ARMC2: variants seen among roughly 807,000 people sequenced by gnomAD.
The protein encoded by ARMC2 is armadillo repeat containing 2.
A neutral mutation model predicts 90.3 loss-of-function variants in ARMC2; 67 were observed. The ratio of observed to expected loss-of-function variants is 0.74; its 90% CI spans 0.61 to 0.91. The LOEUF is 0.91. Ranked by LOEUF, ARMC2 falls within the 40% of genes least tolerant of loss-of-function variation. ARMC2 has a pLI of 0.00. For missense variants in ARMC2, 920 were observed against 1,030.9 expected, an observed-to-expected ratio of 0.89 and a Z score of 1.47; for synonymous variants, 393 against 393.0, an observed-to-expected ratio of 1.00 and a Z score of 0.00.
At chr6:109,031,532 C>T in the ARMC2 span, among the ~76,000 whole-genome samples, 1 of 152,106 alleles carries the variant, frequency 6.6e-6, no homozygotes, top group Non-Finnish European at 1.5e-5. Context: ...CATCTTCAGC[C>T]TAAAGTTAGA....
At chr6:109,009,569 G>A in the ARMC2 span, 1 of 1,105,774 alleles carries the variant, frequency 9.0e-7, no homozygotes, top group Non-Finnish European at 1.1e-6. Flanking sequence ...GGGGCGGGGC[G>A]GCGCCGACAA....
chr6:108,972,376 G>A (rs1778820335), intron 17 of ARMC2, among the ~76,000 whole-genome samples: 1 of 152,146 alleles, frequency 6.6e-6, no homozygotes, highest in Non-Finnish European at 1.5e-5. Context: ...AGAGAGTTTG[G>A]GGGTGGAAAG....
chr6:108,855,946 A>G (rs1237487730), intron 2 of ARMC2, among the ~76,000 whole-genome samples: 1 of 152,168 alleles, frequency 6.6e-6, no homozygotes, highest in Non-Finnish European at 1.5e-5. Flanking sequence ...TGTATTTTGG[A>G]TAACAATTCA....
the ARMC2 span, among the ~76,000 whole-genome samples, chr6:109,042,784 A>G: frequency 6.6e-6 from 1 of 152,092 alleles, no homozygotes; most frequent in South Asian, 2.1e-4. Context: ...CCAAACATTT[A>G]AAGAATTAAC....
intron 5 of ARMC2, among the ~76,000 whole-genome samples, chr6:108,881,165 CTTTTTCTTTTT>C (rs919384734): frequency 2.6e-5 from 4 of 151,430 alleles, no homozygotes; most frequent in African/African-American, 7.3e-5. Flanking sequence ...GCTTTCTTTT[CTTTTTCTTTTT>C]TTTTTCTTTC....
the ARMC2 span, among the ~76,000 whole-genome samples, chr6:109,032,613 A>G: frequency 3.4e-5 from 5 of 144,950 alleles, no homozygotes; most frequent in Admixed American, 6.7e-5. Flanking sequence ...GCAAGACTTC[A>G]TCTCGTGGGG....
chr6:108,858,200 C>T lies in ARMC2; in HGVS notation c.220C>T (p.Leu74Phe). The T allele has an allele frequency of 6.2e-7, 1 of 1,608,282 alleles. No individual in the cohort carries two copies. The highest frequency in any genetic ancestry group is 8.5e-7 in the Non-Finnish European group (1 of 1,175,732). The change falls in exon 3 of 18, where the codon CTC (leucine) becomes TTC (phenylalanine). Residue 74 changes from leucine (L) to phenylalanine (F), a missense_variant and splice_region_variant. Transcript: ENST00000392644. ...ACTCTGCACCATCTTTTATGCTAGC[C>T]TCCATGCATCCAGTTTTGAGTCATC... ...SENRPPSSFSLHASSFESSDS... is the reference protein window; with the variant it reads ...SENRPPSSFSFHASSFESSDS...
At chr6:108,981,658 CTT>C in the ARMC2 span, among the ~76,000 whole-genome samples, 1 of 145,944 alleles carries the variant, frequency 6.9e-6, no homozygotes, top group Non-Finnish European at 1.5e-5. Flanking sequence ...GATTTCCTTA[CTT>C]TTTTTTTTTT....
At chr6:108,903,879 C>T (rs9486975) in intron 7 of ARMC2, among the ~76,000 whole-genome samples, 3,025 of 152,224 alleles carry the variant, frequency 0.02, 84 homozygotes, top group African/African-American at 0.069. Context: ...ATGCAAGTGG[C>T]ATGCATCTGT....
At chr6:108,889,464 A>G (rs1392646202) in intron 5 of ARMC2, among the ~76,000 whole-genome samples, 1 of 151,124 alleles carries the variant, frequency 6.6e-6, no homozygotes, top group Non-Finnish European at 1.5e-5. Context: ...TTTTTGAGAC[A>G]GGGTCTCACT....
intron 10 of ARMC2, among the ~76,000 whole-genome samples, chr6:108,920,201 G>C (rs754454735): frequency 9.2e-5 from 14 of 151,998 alleles, no homozygotes; most frequent in Non-Finnish European, 1.9e-4. Context: ...TTTTGTTTTT[G>C]TTTTTAGAGA....
intron 17 of ARMC2, among the ~76,000 whole-genome samples, chr6:108,972,513 T>C (rs1209648628): frequency 2.6e-5 from 4 of 152,244 alleles, no homozygotes; most frequent in African/African-American, 9.6e-5. Flanking sequence ...CTTTTATACC[T>C]AACCTTTGAA....
At chr6:108,879,469 C>T (rs1777289628) in intron 5 of ARMC2, among the ~76,000 whole-genome samples, 1 of 151,852 alleles carries the variant, frequency 6.6e-6, no homozygotes, top group Admixed American at 6.6e-5. Context: ...CATCCATCCA[C>T]CCATTTATCC....
the ARMC2 span, chr6:108,987,334 G>T: frequency 2.2e-6 from 1 of 459,562 alleles, no homozygotes; most frequent in Non-Finnish European, 3.8e-6. Flanking sequence ...ATGGCAGCCT[G>T]TCTTCACAGC....
the ARMC2 span, chr6:109,000,647 G>A: frequency 1.9e-6 from 3 of 1,605,532 alleles, no homozygotes; most frequent in Non-Finnish European, 2.6e-6. Context: ...GGTTCACTAA[G>A]TAGGAGCACT....
chr6:109,030,969 A>G, the ARMC2 span, among the ~76,000 whole-genome samples: 1 of 152,208 alleles, frequency 6.6e-6, no homozygotes, highest in African/African-American at 2.4e-5. Context: ...GCCAGCTCTT[A>G]GGGGGCTTAC....
At chr6:109,002,435 C>CAG in the ARMC2 span, 2 of 936,490 alleles carry the variant, frequency 2.1e-6, no homozygotes, top group East Asian at 5.0e-5. Context: ...ACCAGTCGAA[C>CAG]AGAGACAGGC....
intron 15 of ARMC2, 46 bp from the exon 16 acceptor site, chr6:108,964,134 G>T: frequency 6.3e-7 from 1 of 1,586,476 alleles, no homozygotes; most frequent in South Asian, 1.2e-5. Flanking sequence ...AGACAGCTGG[G>T]AATCCTGAAC....
At chr6:108,904,208 T>A (rs1205177513) in intron 7 of ARMC2, 22 bp from the exon 8 acceptor site, 1 of 1,611,812 alleles carries the variant, frequency 6.2e-7, no homozygotes, top group South Asian at 1.1e-5. Flanking sequence ...TAAGTGTTGC[T>A]TTACTCTCTT....
Sources: gnomAD v4.1 joint callset for allele counts (sites outside exome capture counted in the v4.1 genomes callset) on GRCh38, gnomAD v4.1.1 for gene constraint, MANE v1.5 for transcripts, NCBI Gene and HGNC (gene_info 2026-07-23, HGNC 2026-07-21) for gene names.